Variants in COL28A1 observed in about 807,000 individuals in gnomAD.
The protein encoded by COL28A1 is collagen type XXVIII alpha 1 chain.
A neutral mutation model predicts 150.2 loss-of-function variants in COL28A1; 161 were observed. The ratio of observed to expected loss-of-function variants is 1.07; its 90% CI spans 0.94 to 1.22. The LOEUF (loss-of-function observed/expected upper bound fraction) is 1.22. COL28A1 is among the 50% of genes most tolerant of loss of function. The probability of loss-of-function intolerance (pLI) is 0.00; values close to 1 mark genes in which losing one functional copy is unlikely to be tolerated. For synonymous variants in COL28A1, 552 were observed against 469.7 expected, an observed-to-expected ratio of 1.18 and a Z score of -2.26; for missense variants, 1,617 against 1,388.3, an observed-to-expected ratio of 1.16 and a Z score of -2.62.
At chr7:7,529,827 A>G (rs1325707529) in intron 3 of COL28A1, among the ~76,000 whole-genome samples, 1 of 152,244 alleles carries the variant, frequency 6.6e-6, no homozygotes, top group Non-Finnish European at 1.5e-5. Context: ...TTCAGTGGTG[A>G]GGACCCCTTA....
intron 27 of COL28A1, among the ~76,000 whole-genome samples, chr7:7,386,041 T>C (rs531443515): frequency 1.3e-5 from 2 of 152,322 alleles, no homozygotes; most frequent in African/African-American, 4.8e-5. Context: ...AAACAACCTA[T>C]TTTATTGGAA....
chr7:7,476,796 G>C (rs17460037), intron 14 of COL28A1, among the ~76,000 whole-genome samples: 5 of 152,130 alleles, frequency 3.3e-5, no homozygotes, highest in Non-Finnish European at 5.9e-5. Flanking sequence ...AGCTACACTC[G>C]ATGATTTAAC....
At chr7:7,394,354 C>G (rs1353977195) in intron 27 of COL28A1, among the ~76,000 whole-genome samples, 1 of 152,186 alleles carries the variant, frequency 6.6e-6, no homozygotes, top group Non-Finnish European at 1.5e-5. Context: ...TCACTGGGAG[C>G]TGCAGACCAG....
intron 30 of COL28A1, among the ~76,000 whole-genome samples, chr7:7,378,063 C>T (rs73040633): frequency 0.089 from 13,474 of 152,048 alleles, 1,100 homozygotes; most frequent in African/African-American, 0.21. Context: ...GAGTCTCATA[C>T]GTCTATAAGA....
intron 15 of COL28A1, among the ~76,000 whole-genome samples, chr7:7,474,235 A>G (rs952733586): frequency 1.3e-5 from 2 of 151,944 alleles, no homozygotes; most frequent in Non-Finnish European, 2.9e-5. Flanking sequence ...GTGGGAGCTA[A>G]GTTATGAGGA....
intron 13 of COL28A1, among the ~76,000 whole-genome samples, chr7:7,477,571 G>A (rs1408377969): frequency 3.3e-5 from 5 of 152,154 alleles, no homozygotes; most frequent in African/African-American, 4.8e-5. Context: ...AAGGCAGCGC[G>A]TCCAGAGTTT....
At chr7:7,482,652 C>T (rs565006261) in intron 13 of COL28A1, among the ~76,000 whole-genome samples, 2 of 151,820 alleles carry the variant, frequency 1.3e-5, no homozygotes, top group Non-Finnish European at 2.9e-5. Flanking sequence ...AAGTATAACT[C>T]TGTAATTATG....
At chr7:7,374,735 T>C (rs938388669) in intron 31 of COL28A1, among the ~76,000 whole-genome samples, 3 of 152,160 alleles carry the variant, frequency 2.0e-5, no homozygotes, top group African/African-American at 4.8e-5. Flanking sequence ...CATGTCTAGA[T>C]TGGTCTCTCA....
At chr7:7,369,557 G>C (rs1781110289) in intron 33 of COL28A1, among the ~76,000 whole-genome samples, 1 of 152,194 alleles carries the variant, frequency 6.6e-6, no homozygotes, top group Non-Finnish European at 1.5e-5. Flanking sequence ...CAATTTAGTA[G>C]AATCTATTGC....
chr7:7,363,249 T>G lies in COL28A1; in HGVS notation c.3067-2721A>C, dbSNP rs184604590. Among the ~76,000 whole-genome samples, 37 of 152,250 alleles carry G rather than the reference T, an allele frequency of 2.4e-4. No homozygotes were observed. In the East Asian group the frequency reaches 7.2e-3, roughly 29 times the overall value. The stretch of plus-strand genomic sequence containing the variant: ...GCACAGTTTTCTTCAAAGAATTAAC[T>G]CAGCCTTTAAATCTTTACCTTGTTC... On this transcript the variant is annotated intron_variant, in intron 33 of 34. Transcript: ENST00000399429.
rs181682920 is a variant in COL28A1 at position 7,443,501 on chromosome 7, T to C, written c.1650+84A>G. The C allele has an allele frequency of 1.2e-5, 19 of 1,575,618 alleles. No homozygotes were observed. In the East Asian group the frequency reaches 3.1e-4, roughly 26 times the overall value. ...CATAAACACATTGACATAGTAAGAA[T>C]AACAATCAAATTTCTTCTAAGTTGG... is the stretch of plus-strand genomic sequence containing the variant. On this transcript the variant is annotated intron_variant, in intron 20 of 34. Transcript: ENST00000399429.
rs545714130 is a variant in COL28A1, at chr7:7,436,601, C to T, written c.1792-138G>A. 6.3e-6 allele frequency: 4 copies of T among 639,786 alleles called. No individual in the cohort carries two copies. In the South Asian group the frequency reaches 7.9e-5, roughly 13 times the overall value. The allele number at this position is 639,786 out of a possible 1,614,324, so 39.6% of individuals were successfully genotyped here. A position where few individuals can be genotyped will look rare whatever the true frequency, so the allele number is the denominator to read the frequency against. On this transcript the variant is annotated intron_variant, in intron 22 of 34. Transcript: ENST00000399429. The stretch of plus-strand genomic sequence containing the variant: ...ACCTTGAGATAGTATATTCTTCAAA[C>T]ATATTTGAGGGGACTTTCAAATCCT...
chr7:7,437,109 T>A (rs1412610692), intron 22 of COL28A1, among the ~76,000 whole-genome samples: 1 of 152,178 alleles, frequency 6.6e-6, no homozygotes, highest in Non-Finnish European at 1.5e-5. Context: ...TCCTGGTAGA[T>A]TCTTCTGAAT....
chr7:7,396,388 A>AG (rs765843784), intron 27 of COL28A1, among the ~76,000 whole-genome samples: 7 of 152,210 alleles, frequency 4.6e-5, no homozygotes, highest in Non-Finnish European at 8.8e-5. Context: ...CAAAGCTGGC[A>AG]GTCCCTCCGA....
At chr7:7,465,243 G>T (rs1402579805) in intron 15 of COL28A1, among the ~76,000 whole-genome samples, 1 of 144,850 alleles carries the variant, frequency 6.9e-6, no homozygotes, top group Admixed American at 7.0e-5. Flanking sequence ...CGGCCAGTGT[G>T]TGTGCGCACC....
At position 7,466,078 on chromosome 7, in the gene COL28A1, A is replaced by C. The variant is rs1410189902; in HGVS notation, c.1302+8523T>G. ...CTCCTCCAAAGGAACGCAGTTCCTCACCAGCAACAGAACAAAGCTGGATGG... is the reference window on the plus strand; with the variant it reads ...CTCCTCCAAAGGAACGCAGTTCCTCCCCAGCAACAGAACAAAGCTGGATGG... On this transcript the variant is annotated intron_variant, in intron 15 of 34. Transcript: ENST00000399429. Among the ~76,000 whole-genome samples, 3 of 135,370 alleles carry C rather than the reference A, an allele frequency of 2.2e-5. No individual in the cohort carries two copies. In the Admixed American group the frequency reaches 2.3e-4, roughly 11 times the overall value. The allele number at this position is 135,370 out of a possible 152,430, so 88.8% of individuals were successfully genotyped here. A position where few individuals can be genotyped will look rare whatever the true frequency, so the allele number is the denominator to read the frequency against.
intron 30 of COL28A1, 132 bp downstream of exon 30, chr7:7,380,528 G>C (rs1781814184): frequency 2.7e-6 from 2 of 733,976 alleles, no homozygotes; most frequent in Non-Finnish European, 2.3e-6. Context: ...CACTGGGCTG[G>C]TAGTAGTTGA....
At position 7,444,345 on chromosome 7, in the gene COL28A1, A is replaced by G. The variant is rs1786074697; in HGVS notation, c.1581+73T>C. The stretch of plus-strand genomic sequence containing the variant: ...AGTTTGTCCTGAATGGTTTTATTCG[A>G]GCTCCTGCAGGACCAAGATATCAGT... On this transcript the variant is annotated intron_variant, in intron 19 of 34. Coordinates refer to ENST00000399429, the MANE Select transcript of COL28A1 (RefSeq NM_001037763.3). 2.5e-6 allele frequency: 4 copies of G among 1,593,354 alleles called. No individual in the cohort carries two copies. The South Asian group carries it at 4.6e-5, about 18-fold the overall frequency.
Position 7,373,521 on chromosome 7 carries a change from A to T in COL28A1, c.2385T>A (p.Thr795=), listed in dbSNP as rs1781349430. ...ICGCGPKCKE[T]PLELVFVIDS... ...CGATCACAAACACCAGCTCTAGTGG[A>T]GTCTCTTTGCATTTGGGCCCACAAC... The change falls in exon 32 of 35, where the codon ACT becomes ACA. Residue 795 remains threonine (T), a synonymous_variant. Coordinates refer to ENST00000399429, the MANE Select transcript of COL28A1 (RefSeq NM_001037763.3). The surrounding 1 kb of genome is among the most constrained non-coding windows in gnomAD (Gnocchi z 4.1). 1 of 1,612,250 alleles carries T rather than the reference A, an allele frequency of 6.2e-7. No individual in the cohort carries two copies. Among genetic ancestry groups the T allele is most frequent in the South Asian group, 1.1e-5 (1 of 91,024 alleles).
Sources: gnomAD v4.1 joint callset for allele counts (sites outside exome capture counted in the v4.1 genomes callset) on GRCh38, gnomAD v4.1.1 for gene constraint, Gnocchi (gnomAD v3.1) non-coding constraint, MANE v1.5 for transcripts, NCBI Gene and HGNC (gene_info 2026-07-23, HGNC 2026-07-21) for gene names.